Variants in FOXN1 observed in about 807,000 individuals in gnomAD.
The protein encoded by FOXN1 is forkhead box protein N1.
In FOXN1, 15 loss-of-function variants were observed where a neutral mutation model predicts 49.0. The observed-to-expected ratio is 0.31, with a 90% CI of 0.20 to 0.47. The LOEUF (loss-of-function observed/expected upper bound fraction) is 0.47, where lower values mean the gene tolerates loss of function less well. FOXN1 is among the 20% of genes least tolerant of loss of function. FOXN1 has a pLI of 1.00. For missense variants in FOXN1, 800 were observed against 842.8 expected, an observed-to-expected ratio of 0.95 and a Z score of 0.63; for synonymous variants, 356 against 369.0, an observed-to-expected ratio of 0.96 and a Z score of 0.40.
intron 1 of FOXN1, among the ~76,000 whole-genome samples, chr17:28,510,399 C>G (rs911952729): frequency 3.3e-5 from 5 of 152,114 alleles, no homozygotes; most frequent in South Asian, 2.1e-4. Flanking sequence ...CAGACACACG[C>G]GCACGCACAC....
rs114645536 is a variant in FOXN1 at position 28,510,527 on chromosome 17, C to T, written c.-15+4084C>T. On this transcript the variant is annotated intron_variant, in intron 1 of 8. Coordinates refer to ENST00000579795, the MANE Select transcript of FOXN1 (RefSeq NM_001369369.1). ...CCGGACTGCACCAGCCCATCAGTCT[C>T]GGAAGGCATAGAATGTACATGAGGA... Among the ~76,000 whole-genome samples, 388 of 151,262 alleles carry T rather than the reference C, an allele frequency of 2.6e-3. 2 individuals carry two copies. Among genetic ancestry groups the T allele is most frequent in the African/African-American group, 8.9e-3 (365 of 41,084 alleles).
chr17:28,528,349 C>T (rs2069822141), intron 4 of FOXN1, among the ~76,000 whole-genome samples: 1 of 152,150 alleles, frequency 6.6e-6, no homozygotes, highest in Admixed American at 6.5e-5. Context: ...GAGATTGAGC[C>T]ACAGAAGGAC....
In FOXN1 at chr17:28,534,695, T is replaced by C; in HGVS notation, c.1136-12T>C. On this transcript the variant is annotated splice_polypyrimidine_tract_variant and intron_variant, in intron 7 of 8. Coordinates refer to ENST00000579795, the MANE Select transcript of FOXN1 (RefSeq NM_001369369.1). This position sits in a 1 kb window ranked among gnomAD's most constrained non-coding sequence, Gnocchi z 4.1. ...AGGTCTCATGGTGTTCTTTCTCTCT[T>C]GGGCCTTTCAGAAGAGCTGGACAGC... is the stretch of plus-strand genomic sequence containing the variant. 2 of 1,613,192 alleles carry C rather than the reference T, an allele frequency of 1.2e-6. No individual in the cohort carries two copies. The highest frequency in any genetic ancestry group is 1.7e-6 in the Non-Finnish European group (2 of 1,179,900).
At chr17:28,507,542 C>T (rs1267187110) in intron 1 of FOXN1, among the ~76,000 whole-genome samples, 4 of 152,200 alleles carry the variant, frequency 2.6e-5, no homozygotes, top group African/African-American at 9.7e-5. Flanking sequence ...CAGGGCTGCC[C>T]CTCCTAGTTT....
rs566275570 is a variant in FOXN1 at position 28,509,325 on chromosome 17, C to T, written c.-15+2882C>T. 9.2e-5 allele frequency among the ~76,000 whole-genome samples: 14 copies of T among 152,012 alleles called. No homozygotes were observed. In the South Asian group the frequency reaches 2.9e-3, roughly 32 times the overall value. On this transcript the variant is annotated intron_variant, in intron 1 of 8. Transcript: ENST00000579795. ...GCCCAGCCCCCTTCCTACTCATCCC[C>T]GTCCCCAAACTTGCCTCCATCACCA...
At chr17:28,524,376 C>T in intron 2 of FOXN1, 127 bp from the exon 3 acceptor site, 3 of 888,820 alleles carry the variant, frequency 3.4e-6, no homozygotes, top group Non-Finnish European at 5.4e-6. Context: ...ATTTCTTCTC[C>T]ACCATTTAGG....
intron 1 of FOXN1, among the ~76,000 whole-genome samples, chr17:28,513,326 T>A (rs2069430633): frequency 6.6e-6 from 1 of 152,182 alleles, no homozygotes; most frequent in South Asian, 2.1e-4. Flanking sequence ...AGGACATCCA[T>A]CCATCTATCC....
chr17:28,534,718 A>T lies in FOXN1; in HGVS notation c.1147A>T (p.Ser383Cys). The part of the protein sequence containing the change: ...KSMAKPEELD[S>C]LIGDKREKLG... ...CTTGGGCCTTTCAGAAGAGCTGGAC[A>T]GCCTCATTGGAGACAAGAGAGAAAA... Residue 383 changes from serine (S) to cysteine (C), a missense_variant, in exon 8 of 9, where the codon AGC (serine) becomes TGC (cysteine). Physicochemically the swap from Ser to Cys is moderately radical, Grantham distance 112. Around this residue, in one of 3 missense-constraint regions of FOXN1, gnomAD observed 344 missense variants for 366.1 expected, o/e 0.94. Transcript: ENST00000579795. The surrounding 1 kb of genome is among the most constrained non-coding windows in gnomAD (Gnocchi z 4.1). The T allele has an allele frequency of 6.2e-7, 1 of 1,613,508 alleles. No homozygotes were observed. The highest frequency in any genetic ancestry group is 1.3e-5 in the African/African-American group (1 of 75,048).
chr17:28,526,124 T>C (rs1415915717), intron 3 of FOXN1, among the ~76,000 whole-genome samples: 1 of 152,170 alleles, frequency 6.6e-6, no homozygotes, highest in Admixed American at 6.5e-5. Context: ...GAGATTGAGT[T>C]CACACCCTTG....
rs775338114 is a variant in FOXN1 at position 28,537,270 on chromosome 17, C to G, written c.1781C>G (p.Ala594Gly). 6.2e-7 allele frequency: 1 copy of G among 1,614,052 alleles called. No homozygotes were observed. The highest frequency in any genetic ancestry group is 8.5e-7 in the Non-Finnish European group (1 of 1,179,982). ...TGTCTGACAGAGACAGGCAGTGGGG[C>G]AGGTGACTTGGCAGCCCCGGGCAGT... ...GPCLTETGSG[A>G]GDLAAPGSGG... The change falls in exon 9 of 9, where the codon GCA (alanine) becomes GGA (glycine). Residue 594 changes from alanine to glycine, a missense_variant. By Grantham distance (60) the Ala-to-Gly change is moderately conservative. Around this residue, in one of 3 missense-constraint regions of FOXN1, gnomAD observed 344 missense variants for 366.1 expected, o/e 0.94. Coordinates refer to ENST00000579795, the MANE Select transcript of FOXN1 (RefSeq NM_001369369.1).
intron 1 of FOXN1, among the ~76,000 whole-genome samples, chr17:28,514,602 C>T (rs1383087815): frequency 1.3e-5 from 2 of 152,116 alleles, no homozygotes; most frequent in Non-Finnish European, 2.9e-5. Flanking sequence ...AGCAGCCTGT[C>T]GGGTGGAGCC....
At chr17:28,526,406 C>T (rs2069769467) in intron 3 of FOXN1, among the ~76,000 whole-genome samples, 1 of 152,222 alleles carries the variant, frequency 6.6e-6, no homozygotes, top group Admixed American at 6.5e-5. Flanking sequence ...CCCTGGTAAC[C>T]CCAGGAAGTG....
rs1363544404 is a variant in FOXN1 at position 28,535,031 on chromosome 17, C to A, written c.1460C>A (p.Thr487Asn). 3 of 1,612,840 alleles carry A rather than the reference C, an allele frequency of 1.9e-6. No homozygotes were observed. The highest frequency in any genetic ancestry group is 2.5e-6 in the Non-Finnish European group (3 of 1,179,262). The change falls in exon 8 of 9, where the codon ACC becomes AAC. Residue 487 changes from threonine (T) to asparagine (N), a missense_variant. Around this residue, in one of 3 missense-constraint regions of FOXN1, gnomAD observed 344 missense variants for 366.1 expected, o/e 0.94. Coordinates refer to ENST00000579795, the MANE Select transcript of FOXN1 (RefSeq NM_001369369.1). ...GHLELRAQPGTPQDSPLPAHT... is the reference protein window; with the variant it reads ...GHLELRAQPGNPQDSPLPAHT... ...CTTGAGCTGCGGGCCCAGCCAGGCA[C>A]CCCCCAGGACTCGCCTCTGCCTGCC...
In FOXN1 at chr17:28,524,978, G is replaced by A. The variant is rs1276592636; in HGVS notation, c.588+11G>A. 6.3e-6 allele frequency: 10 copies of A among 1,589,612 alleles called. No homozygotes were observed. The highest frequency in any genetic ancestry group is 2.2e-5 in the South Asian group (2 of 90,174). ...GGCCCCCAAGTCCTGGTGAGTACTA[G>A]TGGCCAGCGAGTGTCCCATCTTCCC... On this transcript the variant is annotated intron_variant, in intron 3 of 8. Coordinates refer to ENST00000579795, the MANE Select transcript of FOXN1 (RefSeq NM_001369369.1).
At chr17:28,511,993 G>A (rs1015175336) in intron 1 of FOXN1, among the ~76,000 whole-genome samples, 4 of 152,198 alleles carry the variant, frequency 2.6e-5, no homozygotes, top group Admixed American at 6.5e-5. Context: ...GAGGCTGGGG[G>A]TGGGACCATC....
Position 28,537,598 on chromosome 17 carries a change from C to A in FOXN1, c.*162C>A. On this transcript the variant is annotated 3_prime_UTR_variant, in exon 9 of 9. Transcript: ENST00000579795. ...AGCTGGTAGCTGGGGGCGCAGAGGACATCACCTGGGGTGCTGCCTCTCACA... is the reference window on the plus strand; with the variant it reads ...AGCTGGTAGCTGGGGGCGCAGAGGAAATCACCTGGGGTGCTGCCTCTCACA... 1 of 686,866 alleles carries A rather than the reference C, an allele frequency of 1.5e-6. No individual in the cohort carries two copies. The highest frequency in any genetic ancestry group is 2.6e-6 in the Non-Finnish European group (1 of 380,252). The allele number at this position is 686,866 out of a possible 1,614,324, so 42.5% of individuals were successfully genotyped here. A position where few individuals can be genotyped will look rare whatever the true frequency, so the allele number is the denominator to read the frequency against.
At chr17:28,520,350 G>T (rs1226019450) in intron 1 of FOXN1, among the ~76,000 whole-genome samples, 1 of 152,152 alleles carries the variant, frequency 6.6e-6, no homozygotes, top group Non-Finnish European at 1.5e-5. Flanking sequence ...CTCTCTCCTG[G>T]GCCGTGTGGC....
At position 28,534,333 on chromosome 17, in the gene FOXN1, A is replaced by G. The variant is rs143844274; in HGVS notation, c.930A>G (p.Thr310=). The change falls in exon 7 of 9, where the codon ACA becomes ACG. Residue 310 remains threonine, a splice_region_variant and synonymous_variant. Coordinates refer to ENST00000579795, the MANE Select transcript of FOXN1 (RefSeq NM_001369369.1). The surrounding 1 kb of genome is among the most constrained non-coding windows in gnomAD (Gnocchi z 4.1). ...CTTGTCTTGCTCTGTTCCGGCAGACAGCACCCGATGGCTGGAAGAATTCTG... is the reference window on the plus strand; with the variant it reads ...CTTGTCTTGCTCTGTTCCGGCAGACGGCACCCGATGGCTGGAAGAATTCTG... The part of the protein sequence containing the change: ...FMTEHFPYFK[T]APDGWKNSVR... The G allele has an allele frequency of 1.2e-4, 200 of 1,614,148 alleles. No individual in the cohort carries two copies. In the African/African-American group the frequency reaches 2.5e-3, roughly 20 times the overall value.
chr17:28,515,217 A>C (rs984237974), intron 1 of FOXN1, among the ~76,000 whole-genome samples: 4 of 151,860 alleles, frequency 2.6e-5, no homozygotes, highest in Non-Finnish European at 5.9e-5. Context: ...GGCCAGATAC[A>C]CCTTTACAGG....
Sources: gnomAD v4.1 joint callset for allele counts (sites outside exome capture counted in the v4.1 genomes callset) on GRCh38, gnomAD v4.1.1 for gene constraint, gnomAD v4.1.1 regional missense constraint, Gnocchi (gnomAD v3.1) non-coding constraint, MANE v1.5 for transcripts, NCBI Gene and HGNC (gene_info 2026-07-23, HGNC 2026-07-21) for gene names.